Variants in ZMIZ1 observed in about 807,000 individuals in gnomAD.
ZMIZ1 encodes the protein zinc finger MIZ-type containing 1, also known as zinc finger MIZ domain-containing protein 1.
A neutral mutation model predicts 113.9 loss-of-function variants in ZMIZ1; 17 were observed. That is an observed-to-expected ratio of 0.15 (90% confidence interval 0.10 to 0.22). ZMIZ1 has a LOEUF of 0.22. Ranked by LOEUF, ZMIZ1 falls within the 10% of genes least tolerant of loss-of-function variation. The pLI is 1.00. For missense variants in ZMIZ1, 1,059 were observed against 1,477.8 expected, an observed-to-expected ratio of 0.72 and a Z score of 4.65; for synonymous variants, 607 against 603.1, an observed-to-expected ratio of 1.01 and a Z score of -0.09.
chr10:79,177,419 G>A (rs1268485470), intron 4 of ZMIZ1, among the ~76,000 whole-genome samples: 3 of 152,226 alleles, frequency 2.0e-5, no homozygotes, highest in Non-Finnish European at 4.4e-5. Flanking sequence ...AAGCCGCCCT[G>A]TGCCCCCAGT....
chr10:79,147,595 C>T (rs959016250), intron 3 of ZMIZ1, among the ~76,000 whole-genome samples: 5 of 152,198 alleles, frequency 3.3e-5, no homozygotes, highest in African/African-American at 7.2e-5. Flanking sequence ...GTCAAACCCT[C>T]GCCTCTGTGA....
intron 7 of ZMIZ1, among the ~76,000 whole-genome samples, chr10:79,245,788 T>C (rs1219386804): frequency 1.3e-5 from 2 of 152,208 alleles, no homozygotes; most frequent in African/African-American, 4.8e-5. Flanking sequence ...TGTGGCTGTT[T>C]GTGAATTTCA....
chr10:79,078,211 C>G (rs79805700), intron 1 of ZMIZ1, among the ~76,000 whole-genome samples: 3,650 of 152,212 alleles, frequency 0.024, 138 homozygotes, highest in African/African-American at 0.083. Context: ...CTCATAATAA[C>G]AATACCTACT....
intron 4 of ZMIZ1, among the ~76,000 whole-genome samples, chr10:79,199,437 C>T (rs989008806): frequency 3.9e-5 from 6 of 151,988 alleles, no homozygotes; most frequent in African/African-American, 1.4e-4. Context: ...ACCTGGGAGG[C>T]AGAGGTTACA....
intron 3 of ZMIZ1, among the ~76,000 whole-genome samples, chr10:79,141,692 G>A (rs1400690528): frequency 1.3e-5 from 2 of 152,212 alleles, no homozygotes; most frequent in African/African-American, 4.8e-5. Flanking sequence ...ACAGGTGTGA[G>A]CCACTCTGCC....
chr10:79,213,372 A>G (rs767208313), intron 6 of ZMIZ1, among the ~76,000 whole-genome samples: 7 of 152,190 alleles, frequency 4.6e-5, no homozygotes, highest in African/African-American at 7.2e-5. Flanking sequence ...TCACTCTGCC[A>G]TACCTGTGCT....
intron 7 of ZMIZ1, among the ~76,000 whole-genome samples, chr10:79,246,044 G>C (rs1394805847): frequency 1.3e-5 from 2 of 152,272 alleles, no homozygotes; most frequent in African/African-American, 4.8e-5. Flanking sequence ...TAGATAAAGA[G>C]ACCTCCTGTT....
At chr10:79,146,577 A>G (rs1343252748) in intron 3 of ZMIZ1, among the ~76,000 whole-genome samples, 3 of 152,160 alleles carry the variant, frequency 2.0e-5, no homozygotes, top group African/African-American at 7.2e-5. Context: ...TGTGGCCCCA[A>G]CGTTGGGCTT....
intron 1 of ZMIZ1, among the ~76,000 whole-genome samples, chr10:79,089,499 T>C (rs1842926749): frequency 6.6e-6 from 1 of 152,214 alleles, no homozygotes; most frequent in Non-Finnish European, 1.5e-5. Context: ...ACAGAAGCAC[T>C]GGACCCCTCT....
At chr10:79,236,809 C>A (rs894962847) in intron 7 of ZMIZ1, among the ~76,000 whole-genome samples, 3 of 152,236 alleles carry the variant, frequency 2.0e-5, no homozygotes, top group Non-Finnish European at 2.9e-5. Context: ...TTCATTCATA[C>A]AGCTAATATT....
At chr10:79,260,212 G>A (rs1216522351) in intron 7 of ZMIZ1, among the ~76,000 whole-genome samples, 2 of 152,246 alleles carry the variant, frequency 1.3e-5, no homozygotes, top group Non-Finnish European at 2.9e-5. Flanking sequence ...GCCAGGTATT[G>A]TTCTAGGCAC....
In ZMIZ1 at chr10:79,312,766, G is replaced by A. The variant is rs2802359; in HGVS notation, c.*17G>A. ...AACAACTGAGGGCCACCCGGTCGGG[G>A]CCATCCCTCCACACTCTGCATCCTA... On this transcript the variant is annotated 3_prime_UTR_variant, in exon 25 of 25. Transcript: ENST00000334512. The A allele has an allele frequency of 6.2e-7, 1 of 1,610,954 alleles. No homozygotes were observed. The highest frequency in any genetic ancestry group is 1.1e-5 in the South Asian group (1 of 91,020).
At chr10:79,128,363 C>T (rs552852631) in intron 2 of ZMIZ1, among the ~76,000 whole-genome samples, 1 of 152,334 alleles carries the variant, frequency 6.6e-6, no homozygotes, top group African/African-American at 2.4e-5. Context: ...TTTGTCATAC[C>T]AGCAACCAAG....
At chr10:79,089,278 A>G (rs555723621) in intron 1 of ZMIZ1, among the ~76,000 whole-genome samples, 1 of 152,232 alleles carries the variant, frequency 6.6e-6, no homozygotes, top group East Asian at 1.9e-4. Context: ...AGATGGAGCC[A>G]AGTGGGCCCC....
At chr10:79,082,103 A>C (rs1322798107) in intron 1 of ZMIZ1, among the ~76,000 whole-genome samples, 1 of 152,252 alleles carries the variant, frequency 6.6e-6, no homozygotes, top group Non-Finnish European at 1.5e-5. Flanking sequence ...AGGTGCCTCC[A>C]TGGCTGTGGC....
intron 7 of ZMIZ1, among the ~76,000 whole-genome samples, chr10:79,271,080 G>A (rs745328809): frequency 3.7e-4 from 57 of 152,168 alleles, no homozygotes; most frequent in Non-Finnish European, 6.5e-4. Flanking sequence ...ACCCCTAGGC[G>A]GCTCAGAAGG....
At chr10:79,306,075 A>G in intron 21 of ZMIZ1, 25 bp from the exon 22 acceptor site, 1 of 1,604,192 alleles carries the variant, frequency 6.2e-7, no homozygotes, top group East Asian at 2.2e-5. Flanking sequence ...CCGGAGCCTC[A>G]GCTCTGCCAC....
At chr10:79,177,232 C>G (rs1311690544) in intron 4 of ZMIZ1, among the ~76,000 whole-genome samples, 3 of 152,158 alleles carry the variant, frequency 2.0e-5, no homozygotes, top group Non-Finnish European at 4.4e-5. Flanking sequence ...CTGCTCCCCA[C>G]AGCACCGCCA....
intron 4 of ZMIZ1, among the ~76,000 whole-genome samples, chr10:79,172,255 C>T (rs1196346032): frequency 6.6e-6 from 1 of 152,100 alleles, no homozygotes; most frequent in Non-Finnish European, 1.5e-5. Flanking sequence ...GTGAGGACGC[C>T]TAGGGCCCAG....
Sources: allele counts gnomAD v4.1 joint callset (sites outside exome capture counted in the v4.1 genomes callset), GRCh38; gene constraint gnomAD v4.1.1; transcripts MANE v1.5; gene names NCBI Gene and HGNC (gene_info 2026-07-23, HGNC 2026-07-21).